PSPC1: variants seen among roughly 807,000 people sequenced by gnomAD.
PSPC1 encodes the protein paraspeckle protein 1.
A neutral mutation model predicts 51.6 loss-of-function variants in PSPC1; 14 were observed. The observed-to-expected ratio is 0.27, with a 90% CI of 0.18 to 0.42. The LOEUF (loss-of-function observed/expected upper bound fraction) is 0.42. Among genes scored for constraint, PSPC1 ranks in the 10% least tolerant of loss-of-function variants. The pLI, the probability that PSPC1 is intolerant of heterozygous loss-of-function variation, is 1.00. For missense variants in PSPC1, 406 were observed against 701.1 expected, an observed-to-expected ratio of 0.58 and a Z score of 4.75; for synonymous variants, 193 against 231.9, an observed-to-expected ratio of 0.83 and a Z score of 1.53.
chr13:19,687,171 A>C (rs6490479), intron 6 of PSPC1, among the ~76,000 whole-genome samples: 104,056 of 152,062 alleles, frequency 0.68, 38,230 homozygotes, highest in East Asian at 0.89. Flanking sequence ...ACTGCACTCC[A>C]GCCTGGGCAA....
At chr13:19,730,136 G>C in intron 6 of PSPC1, 103 bp downstream of exon 6, 1 of 843,558 alleles carries the variant, frequency 1.2e-6, no homozygotes, top group East Asian at 2.5e-5. Context: ...AATTTAGAAA[G>C]ATTAGAAAAG....
chr13:19,676,540 A>G (rs1339162416), intron 7 of PSPC1, among the ~76,000 whole-genome samples: 1 of 152,072 alleles, frequency 6.6e-6, no homozygotes, highest in Non-Finnish European at 1.5e-5. Context: ...CCAAGTGCAC[A>G]CAAATCCTAG....
intron 4 of PSPC1, among the ~76,000 whole-genome samples, chr13:19,746,009 G>GTT (rs1193097882): frequency 8.6e-5 from 9 of 104,106 alleles, no homozygotes; most frequent in Middle Eastern, 8.8e-3. Context: ...TTTGTTTTTT[G>GTT]TTTTTTTTTT....
intron 6 of PSPC1, among the ~76,000 whole-genome samples, chr13:19,690,246 A>G (rs1211462174): frequency 6.6e-6 from 1 of 152,226 alleles, no homozygotes; most frequent in African/African-American, 2.4e-5. Context: ...TTAAAGTTCA[A>G]TTACTGGAAG....
intron 5 of PSPC1, among the ~76,000 whole-genome samples, chr13:19,734,805 A>C (rs570143300): frequency 6.6e-6 from 1 of 151,842 alleles, no homozygotes; most frequent in East Asian, 1.9e-4. Context: ...CCTTCTCAAA[A>C]AAAAAATAAT....
At chr13:19,739,937 G>A (rs1418561837) in intron 5 of PSPC1, among the ~76,000 whole-genome samples, 1 of 151,664 alleles carries the variant, frequency 6.6e-6, no homozygotes, top group East Asian at 1.9e-4. Flanking sequence ...CAGGTGGCTG[G>A]GCCTCACCAC....
In PSPC1 at chr13:19,782,653, T is replaced by C; in HGVS notation, c.105A>G (p.Ala35=). The change falls in exon 1 of 9, where the codon GCA becomes GCG. Residue 35 remains alanine (A), a synonymous_variant. Transcript: ENST00000338910. This position sits in a 1 kb window ranked among gnomAD's most constrained non-coding sequence, Gnocchi z 4.5. ...CCCCGGCAAGAGCGAGCGCCATGGC[T>C]GCCGCGGCCGCCGGCTCGCTCTCGC... ...AVGESEPAAA[A]AMALALAGEP... 6.4e-7 allele frequency: 1 copy of C among 1,554,680 alleles called. No individual in the cohort carries two copies. Among genetic ancestry groups the C allele is most frequent in the African/African-American group, 1.4e-5 (1 of 69,802 alleles).
chr13:19,705,241 T>A (rs1459930140), intron 8 of PSPC1, among the ~76,000 whole-genome samples: 1 of 152,262 alleles, frequency 6.6e-6, no homozygotes, highest in Non-Finnish European at 1.5e-5. Flanking sequence ...ACGCCTGTAA[T>A]CCCAGCACTT....
chr13:19,700,425 C>G (rs1879760431), downstream of PSPC1, among the ~76,000 whole-genome samples: 1 of 152,038 alleles, frequency 6.6e-6, no homozygotes, highest in African/African-American at 2.4e-5. Flanking sequence ...ATCTCTTTCA[C>G]TAAGTGCTCA....
chr13:19,674,084 A>G (rs1408921133), downstream of PSPC1, among the ~76,000 whole-genome samples: 8 of 152,252 alleles, frequency 5.3e-5, no homozygotes, highest in Admixed American at 3.9e-4. Context: ...GATGGGATGC[A>G]TGGCTGTGGC....
chr13:19,695,237 CAT>C (rs947242204), intron 6 of PSPC1, among the ~76,000 whole-genome samples: 36 of 152,198 alleles, frequency 2.4e-4, no homozygotes, highest in African/African-American at 7.2e-4. Context: ...TTCATCCATT[CAT>C]ATGTCAAAAA....
intron 1 of PSPC1, among the ~76,000 whole-genome samples, chr13:19,777,176 T>A (rs1295672712): frequency 7.3e-6 from 1 of 136,788 alleles, no homozygotes; most frequent in Non-Finnish European, 1.5e-5. Flanking sequence ...ACACCTGTAA[T>A]CCCAGCACTT....
chr13:19,692,493 T>G (rs1479081690), intron 6 of PSPC1, among the ~76,000 whole-genome samples: 2 of 152,198 alleles, frequency 1.3e-5, no homozygotes, highest in Non-Finnish European at 2.9e-5. Flanking sequence ...GAGTTAGGAA[T>G]GTATCATAGT....
At chr13:19,719,437 T>C (rs1462358043) in intron 6 of PSPC1, among the ~76,000 whole-genome samples, 1 of 152,178 alleles carries the variant, frequency 6.6e-6, no homozygotes, top group Non-Finnish European at 1.5e-5. Context: ...CCCTAGTAGC[T>C]GGAACTACAG....
chr13:19,722,072 C>A (rs1882836178), intron 6 of PSPC1, among the ~76,000 whole-genome samples: 1 of 152,202 alleles, frequency 6.6e-6, no homozygotes, highest in Non-Finnish European at 1.5e-5. Context: ...TCTCAGTTTA[C>A]ATCTAAGTAA....
At chr13:19,764,511 A>C (rs966503119) in intron 2 of PSPC1, among the ~76,000 whole-genome samples, 1 of 151,912 alleles carries the variant, frequency 6.6e-6, no homozygotes, top group Admixed American at 6.6e-5. Context: ...TAAAATATAC[A>C]GTACTAAAAA....
chr13:19,749,491 C>CA (rs1886315252), intron 4 of PSPC1, among the ~76,000 whole-genome samples: 1 of 148,874 alleles, frequency 6.7e-6, no homozygotes, highest in Non-Finnish European at 1.5e-5. Context: ...CATGCCACTG[C>CA]ACTCCAGGCT....
intron 6 of PSPC1, among the ~76,000 whole-genome samples, chr13:19,711,633 G>A (rs1396559061): frequency 3.0e-5 from 3 of 98,586 alleles, no homozygotes; most frequent in Admixed American, 1.3e-4. Context: ...GAGAGACTCC[G>A]TCTCATAAAA....
Position 19,782,477 on chromosome 13 carries a change from G to A in PSPC1, c.281C>T (p.Thr94Met), listed in dbSNP as rs750226096. 6.2e-7 allele frequency: 1 copy of A among 1,613,120 alleles called. No homozygotes were observed. The highest frequency in any genetic ancestry group is 8.5e-7 in the Non-Finnish European group (1 of 1,179,556). ...GAAGAGCCTCTTGAAGTCCTCCTCC[G>A]TGATGTCGGTGGGCAGATTTCCCAC... ...LFVGNLPTDI[T>M]EEDFKRLFER... The change falls in exon 1 of 9, where the codon ACG becomes ATG. Residue 94 changes from threonine to methionine, a missense_variant. By Grantham distance (81) the Thr-to-Met change is moderately conservative. Transcript: ENST00000338910. The surrounding 1 kb of genome is among the most constrained non-coding windows in gnomAD (Gnocchi z 4.5).
Sources: gnomAD v4.1 joint callset for allele counts (sites outside exome capture counted in the v4.1 genomes callset) on GRCh38, gnomAD v4.1.1 for gene constraint, Gnocchi (gnomAD v3.1) non-coding constraint, MANE v1.5 for transcripts, NCBI Gene and HGNC (gene_info 2026-07-23, HGNC 2026-07-21) for gene names.